Variants in SHF observed in about 807,000 individuals in gnomAD.
The protein encoded by SHF is SH2 domain-containing adapter protein F.
In SHF, 30 loss-of-function variants were observed where a neutral mutation model predicts 42.4. The observed-to-expected ratio is 0.71, with a 90% confidence interval of 0.53 to 0.96. The LOEUF (loss-of-function observed/expected upper bound fraction) is 0.96. SHF is among the 40% of genes least tolerant of loss of function. The probability of loss-of-function intolerance (pLI) is 0.00; values close to 1 mark genes in which losing one functional copy is unlikely to be tolerated. For synonymous variants in SHF, 264 were observed against 269.9 expected, an observed-to-expected ratio of 0.98 and a Z score of 0.21; for missense variants, 598 against 634.0, an observed-to-expected ratio of 0.94 and a Z score of 0.61.
In SHF at chr15:45,167,675, C is replaced by T. The variant is rs144637171; in HGVS notation, c.*272G>A. 8.9e-3 allele frequency: 2,650 copies of T among 296,182 alleles called. 28 individuals are homozygous for T. Among genetic ancestry groups the T allele is most frequent in the Non-Finnish European group, 0.011 (1,828 of 162,230 alleles). The allele number at this position is 296,182 out of a possible 1,614,324, so 18.3% of individuals were successfully genotyped here. ...AGGAGCCGGAGCTGCCAGTCTGAAACTCCCTACCATCCCAGTAGCTCTGGA... is the reference window on the plus strand; with the variant it reads ...AGGAGCCGGAGCTGCCAGTCTGAAATTCCCTACCATCCCAGTAGCTCTGGA... On this transcript the variant is annotated 3_prime_UTR_variant, in exon 7 of 7. Transcript: ENST00000690270.
chr15:45,170,967 T>G (rs2141339430), intron 6 of SHF: 1 of 156,036 alleles, frequency 6.4e-6, no homozygotes, highest in East Asian at 1.9e-4. Flanking sequence ...TCTATTATCT[T>G]TGAGGGAAGT....
At chr15:45,184,481 C>T (rs1189741897) in intron 1 of SHF, among the ~76,000 whole-genome samples, 1 of 152,190 alleles carries the variant, frequency 6.6e-6, no homozygotes, top group African/African-American at 2.4e-5. Context: ...AGCCCAGGAA[C>T]CTCTCCATGA....
At chr15:45,193,258 C>T (rs1250506364) in intron 2 of SHF, among the ~76,000 whole-genome samples, 2 of 152,192 alleles carry the variant, frequency 1.3e-5, no homozygotes, top group South Asian at 2.1e-4. Context: ...TAAGGATGCA[C>T]ACATGACAGC....
chr15:45,198,770 A>AC lies in SHF; in HGVS notation c.303+1dup. 1.2e-6 allele frequency: 2 copies of AC among 1,607,124 alleles called. No homozygotes were observed. The highest frequency in any genetic ancestry group is 8.5e-7 in the Non-Finnish European group (1 of 1,175,358). ...TTGCGCGTCATTAAATGGCCTACTTACGGGGCGAGGTTCCAGCCTGTCCCT... is the reference window on the plus strand; with the variant it reads ...TTGCGCGTCATTAAATGGCCTACTTACCGGGGCGAGGTTCCAGCCTGTCCCT... On this transcript the variant is annotated splice_donor_variant, in intron 2 of 7. Coordinates refer to the SHF transcript ENST00000290894. LOFTEE classifies it high-confidence loss of function.
intron 6 of SHF, chr15:45,170,401 T>C: frequency 7.8e-7 from 1 of 1,288,904 alleles, no homozygotes; most frequent in Non-Finnish European, 1.0e-6. Context: ...ATTTCTGAGG[T>C]TATGTAAATC....
chr15:45,194,343 CCTT>C (rs947464047), intron 2 of SHF, among the ~76,000 whole-genome samples: 2 of 151,748 alleles, frequency 1.3e-5, no homozygotes, highest in Non-Finnish European at 2.9e-5. Context: ...GCTCCTGTGT[CCTT>C]CTTCTGTTTT....
At chr15:45,179,554 C>T (rs1207196851) in intron 1 of SHF, among the ~76,000 whole-genome samples, 1 of 152,222 alleles carries the variant, frequency 6.6e-6, no homozygotes, top group African/African-American at 2.4e-5. Flanking sequence ...CCACACACTC[C>T]GAAGAGGCAC....
At chr15:45,196,341 G>A (rs529474130) in intron 2 of SHF, among the ~76,000 whole-genome samples, 26 of 152,214 alleles carry the variant, frequency 1.7e-4, no homozygotes, top group Middle Eastern at 3.4e-3. Flanking sequence ...TGATCCACCT[G>A]CCTCGGCCTC....
At position 45,167,970 on chromosome 15, in the gene SHF, G is replaced by C; in HGVS notation, c.1444C>G (p.Pro482Ala). 1 of 1,611,284 alleles carries C rather than the reference G, an allele frequency of 6.2e-7. No individual in the cohort carries two copies. The highest frequency in any genetic ancestry group is 1.3e-5 in the African/African-American group (1 of 75,020). The change falls in exon 7 of 7, where the codon CCT becomes GCT. Residue 482 changes from proline to alanine, a missense_variant. By Grantham distance (27) the Pro-to-Ala change is conservative. Coordinates refer to ENST00000690270, the MANE Select transcript of SHF (RefSeq NM_001394037.1). ...KGAEHMSLLY[P>A]VAIRTL ...ATCTAAAGAGTCCGGATGGCCACAG[G>C]GTAGAGCAGGGACATGTGTTCGGCT... is the stretch of plus-strand genomic sequence containing the variant.
At position 45,173,662 on chromosome 15, in the gene SHF, T is replaced by C; in HGVS notation, c.902A>G (p.Asp301Gly). Reference protein sequence around the residue: ...LPWPPPVGQLDSSPSLPDGDR... With the variant: ...LPWPPPVGQLGSSPSLPDGDR... Reference sequence around the variant, plus strand: ...CCCATCAGGCAGGGAGGGGCTGCTGTCCAGCTGTCCCACAGGTGGAGGCCA... The same window carrying C: ...CCCATCAGGCAGGGAGGGGCTGCTGCCCAGCTGTCCCACAGGTGGAGGCCA... Residue 301 changes from aspartate (D) to glycine (G), a missense_variant, in exon 4 of 7, where the codon GAC becomes GGC. Asp to Gly is a moderately conservative substitution (Grantham distance 94). Coordinates refer to ENST00000690270, the MANE Select transcript of SHF (RefSeq NM_001394037.1). 1.9e-6 allele frequency: 3 copies of C among 1,551,636 alleles called. No homozygotes were observed. In the Admixed American group the frequency reaches 5.9e-5, roughly 30 times the overall value.
upstream of SHF, among the ~76,000 whole-genome samples, chr15:45,189,842 G>A (rs965501402): frequency 7.9e-5 from 12 of 152,148 alleles, no homozygotes; most frequent in Non-Finnish European, 1.5e-4. Context: ...TTCCTGCTTT[G>A]TGCAAATTCT....
At chr15:45,178,357 C>G (rs971401116) in intron 1 of SHF, 51 bp from the exon 2 acceptor site, 2 of 1,584,952 alleles carry the variant, frequency 1.3e-6, no homozygotes, top group Admixed American at 1.8e-5. Flanking sequence ...AGAGGCAACT[C>G]TGCTTCTCCC....
chr15:45,200,473 T>G, intron 1 of SHF: 1 of 343,288 alleles, frequency 2.9e-6, no homozygotes, highest in East Asian at 7.4e-5. Context: ...CTAACCACTA[T>G]ACGATCACGG....
chr15:45,191,906 C>T (rs962143524), upstream of SHF, among the ~76,000 whole-genome samples: 4 of 146,710 alleles, frequency 2.7e-5, no homozygotes, highest in African/African-American at 1.0e-4. Flanking sequence ...CTGGGCAACA[C>T]GGTGGAAACC....
At chr15:45,194,244 C>G (rs1898798559) in intron 2 of SHF, among the ~76,000 whole-genome samples, 2 of 151,288 alleles carry the variant, frequency 1.3e-5, no homozygotes, top group African/African-American at 4.9e-5. Context: ...TTTTTTAATT[C>G]AACATGATAT....
At chr15:45,189,062 G>A (rs952518553), upstream of SHF, among the ~76,000 whole-genome samples, 2 of 151,852 alleles carry the variant, frequency 1.3e-5, no homozygotes, top group Admixed American at 6.6e-5. Context: ...GTGTGGTGGC[G>A]GGCACCTGTA....
chr15:45,178,601 C>T (rs999792396), intron 1 of SHF, among the ~76,000 whole-genome samples: 9 of 141,614 alleles, frequency 6.4e-5, no homozygotes, highest in African/African-American at 2.4e-4. Context: ...GTGGCGTGAT[C>T]TCGGCTCACT....
In SHF at chr15:45,175,232, G is replaced by C. The variant is rs375553653; in HGVS notation, c.834C>G (p.Ser278=). The change falls in exon 3 of 7, where the codon TCC becomes TCG. Residue 278 remains serine (S), a synonymous_variant. Coordinates refer to ENST00000690270, the MANE Select transcript of SHF (RefSeq NM_001394037.1). ...ACCAGGACTCACCTGCAAAGGCTTT[G>C]GAAATCCGCTCCTTCTTCCACTCCC... is the stretch of plus-strand genomic sequence containing the variant. ...QPWEWKKERI[S]KAFAVDIKVI... The C allele has an allele frequency of 6.2e-7, 1 of 1,609,690 alleles. No individual in the cohort carries two copies. The highest frequency in any genetic ancestry group is 1.3e-5 in the African/African-American group (1 of 74,694).
At chr15:45,198,822 T>A in exon 2 of SHF, 2 of 1,614,040 alleles carry the variant, frequency 1.2e-6, no homozygotes, top group Non-Finnish European at 1.7e-6. Context: ...AGGCGCGTTG[T>A]ACTCCGCCAG....
Sources: gnomAD v4.1 joint callset for allele counts (sites outside exome capture counted in the v4.1 genomes callset) on GRCh38, gnomAD v4.1.1 for gene constraint, MANE v1.5 for transcripts, NCBI Gene and HGNC (gene_info 2026-07-23, HGNC 2026-07-21) for gene names.